The following ZNRF1 variants were observed in gnomAD, a reference collection of about 807,000 sequenced individuals.
The protein encoded by ZNRF1 is zinc and ring finger 1.
A neutral mutation model predicts 18.4 loss-of-function variants in ZNRF1; 3 were observed. That is an observed-to-expected ratio of 0.16 (90% confidence interval 0.07 to 0.42). The LOEUF is 0.42. Among genes scored for constraint, ZNRF1 ranks in the 10% least tolerant of loss-of-function variants. The pLI, the probability that ZNRF1 is intolerant of heterozygous loss-of-function variation, is 0.99. For missense variants in ZNRF1, 310 were observed against 329.8 expected (o/e 0.94, Z 0.47); for synonymous variants, 157 against 144.2 (o/e 1.09, Z -0.64).
At chr16:75,007,416 G>T (rs1281392862) in intron 1 of ZNRF1, among the ~76,000 whole-genome samples, 3 of 152,290 alleles carry the variant, frequency 2.0e-5, no homozygotes, top group African/African-American at 7.2e-5. Flanking sequence ...TGTTTACCTT[G>T]AGACCTCCCT....
At chr16:75,000,533 C>G (rs1397837233) in intron 1 of ZNRF1, 4 of 331,160 alleles carry the variant, frequency 1.2e-5, no homozygotes, top group Non-Finnish European at 2.4e-5. Flanking sequence ...GAAATAAAAT[C>G]AGGGGCAAGT....
chr16:75,039,441 A>G (rs1377945968), intron 1 of ZNRF1, among the ~76,000 whole-genome samples: 1 of 152,228 alleles, frequency 6.6e-6, no homozygotes, highest in Non-Finnish European at 1.5e-5. Context: ...CCAGGAACAC[A>G]CAGATTTTAC....
At chr16:75,007,813 A>G (rs907637982) in intron 1 of ZNRF1, among the ~76,000 whole-genome samples, 1 of 152,186 alleles carries the variant, frequency 6.6e-6, no homozygotes, top group Non-Finnish European at 1.5e-5. Flanking sequence ...ACAGAGAAAT[A>G]AACTTTGAAT....
At chr16:75,011,201 G>A (rs1280159779) in intron 1 of ZNRF1, among the ~76,000 whole-genome samples, 4 of 152,088 alleles carry the variant, frequency 2.6e-5, no homozygotes, top group Non-Finnish European at 4.4e-5. Context: ...CTTTTATCCT[G>A]CTGCCTGCCT....
chr16:75,010,711 G>GTTTTTGTTTTTTTTTTTTTTTTT (rs2034986440), intron 1 of ZNRF1, among the ~76,000 whole-genome samples: 1 of 74,324 alleles, frequency 1.3e-5, no homozygotes, highest in Non-Finnish European at 3.1e-5. Flanking sequence ...GTTTTTTTTT[G>GTTTTTGTTTTTTTTTTTTTTTTT]TTTTTTTGTT....
At chr16:75,067,333 G>A (rs941420507) in intron 1 of ZNRF1, among the ~76,000 whole-genome samples, 8 of 152,130 alleles carry the variant, frequency 5.3e-5, no homozygotes, top group African/African-American at 1.7e-4. Flanking sequence ...GGTCACTCTA[G>A]GTACAAGAGA....
At chr16:75,080,896 G>A (rs1395384469) in intron 1 of ZNRF1, among the ~76,000 whole-genome samples, 2 of 151,168 alleles carry the variant, frequency 1.3e-5, no homozygotes, top group East Asian at 2.0e-4. Context: ...AATGAGGGCC[G>A]GGTGCAGTGG....
Position 74,999,750 on chromosome 16 carries a change from C to T in ZNRF1, c.79C>T (p.Pro27Ser). The T allele has an allele frequency of 7.2e-7, 1 of 1,391,930 alleles. No individual in the cohort carries two copies. The highest frequency in any genetic ancestry group is 1.6e-5 in the South Asian group (1 of 63,326). The allele number at this position is 1,391,930 out of a possible 1,614,324, so 86.2% of individuals were successfully genotyped here. A position where few individuals can be genotyped will look rare whatever the true frequency, so the allele number is the denominator to read the frequency against. Residue 27 changes from proline (P) to serine (S), a missense_variant, in exon 1 of 5, where the codon CCG becomes TCG. Around this residue, in one of 2 missense-constraint regions of ZNRF1, gnomAD observed 293 missense variants for 291.2 expected, o/e 1.01. Transcript: ENST00000335325. ...CTCCACCGATGACAGCGCCGTGCCGCCGCCGGGAGGGGCGCCCCATTTCGG... is the reference window on the plus strand; with the variant it reads ...CTCCACCGATGACAGCGCCGTGCCGTCGCCGGGAGGGGCGCCCCATTTCGG... ...GVSTDDSAVP[P>S]PGGAPHFGHY...
Position 75,108,004 on chromosome 16 carries a change from CA to C in ZNRF1, c.*313del, listed in dbSNP as rs111852866. On this transcript the variant is annotated 3_prime_UTR_variant, in exon 5 of 5. Transcript: ENST00000335325. ...TGTGGGTCTGTCTTTAAAGTGTTTA[CA>C]AAAAAAAATTATATAAAAAAAAAGT... 2.0e-4 allele frequency: 61 copies of C among 298,904 alleles called. No homozygotes were observed. Among genetic ancestry groups the C allele is most frequent in the South Asian group, 4.8e-4 (18 of 37,652 alleles). 18.5% of individuals were successfully genotyped at this position (298,904 alleles called of 1,614,324 possible).
chr16:75,032,484 G>C (rs1029842845), intron 1 of ZNRF1, among the ~76,000 whole-genome samples: 4 of 151,926 alleles, frequency 2.6e-5, no homozygotes, highest in African/African-American at 9.7e-5. Context: ...AATTGACTTT[G>C]TCAATTGTCA....
intron 1 of ZNRF1, among the ~76,000 whole-genome samples, chr16:75,019,249 A>C (rs1205089581): frequency 6.6e-6 from 1 of 151,862 alleles, no homozygotes; most frequent in Admixed American, 6.6e-5. Context: ...TGTGTTGCTC[A>C]GGCTGGTCGT....
intron 1 of ZNRF1, among the ~76,000 whole-genome samples, chr16:75,006,751 G>A (rs1043683046): frequency 3.3e-5 from 5 of 152,128 alleles, no homozygotes; most frequent in Admixed American, 6.5e-5. Flanking sequence ...AGTCTTTTAG[G>A]ATGATGGGTG....
intron 1 of ZNRF1, among the ~76,000 whole-genome samples, chr16:75,059,494 A>G (rs1168186070): frequency 1.3e-5 from 2 of 151,976 alleles, no homozygotes; most frequent in South Asian, 2.1e-4. Context: ...GAACAGCATA[A>G]TGAATTCAGA....
chr16:75,017,269 G>T (rs2035084771), intron 1 of ZNRF1, among the ~76,000 whole-genome samples: 1 of 152,124 alleles, frequency 6.6e-6, no homozygotes, highest in Non-Finnish European at 1.5e-5. Flanking sequence ...ATATTTATTA[G>T]AATTAAATTG....
intron 1 of ZNRF1, among the ~76,000 whole-genome samples, chr16:75,016,127 A>C (rs1170027210): frequency 6.7e-6 from 1 of 149,836 alleles, no homozygotes; most frequent in African/African-American, 2.5e-5. Context: ...TCACCGTGTT[A>C]GCCAGGATGG....
intron 1 of ZNRF1, among the ~76,000 whole-genome samples, chr16:75,012,658 C>G (rs954304080): frequency 6.6e-6 from 1 of 152,206 alleles, no homozygotes; most frequent in African/African-American, 2.4e-5. Flanking sequence ...GATATCAAAT[C>G]TCAGTTGCCT....
intron 1 of ZNRF1, among the ~76,000 whole-genome samples, chr16:75,029,130 T>A (rs2035264943): frequency 6.6e-6 from 1 of 150,718 alleles, no homozygotes. Flanking sequence ...ACTTTTTTAT[T>A]ATTTTATTTT....
intron 1 of ZNRF1, among the ~76,000 whole-genome samples, chr16:75,081,067 G>A (rs1487342097): frequency 2.0e-5 from 3 of 151,756 alleles, no homozygotes; most frequent in African/African-American, 4.8e-5. Flanking sequence ...CAGCTACTCC[G>A]GAGGCTGAGA....
intron 1 of ZNRF1, among the ~76,000 whole-genome samples, chr16:75,051,883 C>G (rs1457739438): frequency 6.6e-6 from 1 of 152,138 alleles, no homozygotes; most frequent in African/African-American, 2.4e-5. Context: ...CTTTATTTAT[C>G]TATCCACCTC....
Sources: allele counts gnomAD v4.1 joint callset (sites outside exome capture counted in the v4.1 genomes callset), GRCh38; gene constraint gnomAD v4.1.1; regional missense constraint gnomAD v4.1.1; transcripts MANE v1.5; gene names NCBI Gene and HGNC (gene_info 2026-07-23, HGNC 2026-07-21).